ZNF318: variants seen among roughly 807,000 people sequenced by gnomAD.
ZNF318 encodes the protein zinc finger protein 318.
Under a neutral mutation model 124.2 loss-of-function variants are expected in ZNF318, and 51 were observed. That is an observed-to-expected ratio of 0.41 (90% CI 0.33 to 0.52). The LOEUF is 0.52. ZNF318 is among the 20% of genes least tolerant of loss of function. The probability of loss-of-function intolerance (pLI) is 0.23; values close to 1 mark genes in which losing one functional copy is unlikely to be tolerated. For synonymous variants in ZNF318, 1,090 were observed against 1,040.7 expected, an observed-to-expected ratio of 1.05 and a Z score of -0.91; for missense variants, 2,815 against 2,811.2, an observed-to-expected ratio of 1.00 and a Z score of -0.03.
At position 43,337,701 on chromosome 6, in the gene ZNF318, G is replaced by T; in HGVS notation, c.6297C>A (p.Ile2099=). The T allele has an allele frequency of 6.2e-7, 1 of 1,614,122 alleles. No individual in the cohort carries two copies. Among genetic ancestry groups the T allele is most frequent in the African/African-American group, 1.3e-5 (1 of 75,036 alleles). The stretch of plus-strand genomic sequence containing the variant: ...CAGTTTTCAAAATGTTAGGAGAAGG[G>T]ATCCTAACACTCCTGGGATTAGGTG... ...RNSPNPRSVR[I]PSPNILKTGL... The change falls in exon 10 of 10, where the codon ATC becomes ATA. Residue 2099 remains isoleucine, a synonymous_variant. Coordinates refer to ENST00000361428, the MANE Select transcript of ZNF318 (RefSeq NM_014345.3).
rs141151781 is a variant in ZNF318 at position 43,349,870 on chromosome 6, G to A, written c.2771-1245C>T. On this transcript the variant is annotated intron_variant, in intron 5 of 9. Transcript: ENST00000361428. ...AGGCTGAGATGGGAGGATCATTTGA[G>A]TCCAGAAATTCAAAGCTACAGTGAG... Among the ~76,000 whole-genome samples, 716 of 152,108 alleles carry A rather than the reference G, an allele frequency of 4.7e-3. 12 individuals are homozygous for A. The highest frequency in any genetic ancestry group is 0.016 in the African/African-American group (684 of 41,494).
At chr6:43,358,604 A>G (rs1779643071) in intron 2 of ZNF318, among the ~76,000 whole-genome samples, 1 of 151,642 alleles carries the variant, frequency 6.6e-6, no homozygotes, top group Non-Finnish European at 1.5e-5. Flanking sequence ...CCCAGGCTGG[A>G]GTGCAGTGGC....
In ZNF318 at chr6:43,340,318, T is replaced by C. The variant is rs761328295; in HGVS notation, c.3680A>G (p.Asp1227Gly). The C allele has an allele frequency of 6.2e-7, 1 of 1,614,166 alleles. No individual in the cohort carries two copies. ...GTCTTCTAATTTCTCAGAGACCTTGTCATCCTCCTTTACTTCTTTCACAGC... is the reference window on the plus strand; with the variant it reads ...GTCTTCTAATTTCTCAGAGACCTTGCCATCCTCCTTTACTTCTTTCACAGC... ...AKAVKEVKED[D>G]KVSEKLEDQL... Residue 1227 changes from aspartate (D) to glycine (G), a missense_variant, in exon 10 of 10, where the codon GAC becomes GGC. By Grantham distance (94) the Asp-to-Gly change is moderately conservative (BLOSUM62 -1). This residue lies in a region of ZNF318 where 500 missense variants were observed against 605.2 expected (regional missense o/e 0.83). Coordinates refer to ENST00000361428, the MANE Select transcript of ZNF318 (RefSeq NM_014345.3).
In ZNF318 at chr6:43,344,143, T is replaced by C. The variant is rs373472685; in HGVS notation, c.3073-1264A>G. Among the ~76,000 whole-genome samples the C allele has an allele frequency of 1.1e-4, 16 of 151,628 alleles. No individual in the cohort carries two copies. In the East Asian group the frequency reaches 2.0e-3, roughly 19 times the overall value. On this transcript the variant is annotated intron_variant, in intron 6 of 9. Transcript: ENST00000361428. ...AGGTAGGATACAGAAAGGGAAACAATTGGGGCTTCAAAGATACTCTTTCCC... is the reference window on the plus strand; with the variant it reads ...AGGTAGGATACAGAAAGGGAAACAACTGGGGCTTCAAAGATACTCTTTCCC...
intron 9 of ZNF318, 38 bp downstream of exon 9, chr6:43,340,752 A>G (rs374407705): frequency 5.1e-6 from 8 of 1,575,350 alleles, no homozygotes; most frequent in African/African-American, 2.7e-5. Context: ...ATTACTTCAG[A>G]AAAGTTGGAA....
chr6:43,339,336 C>T lies in ZNF318; in HGVS notation c.4662G>A (p.Glu1554=). The T allele has an allele frequency of 1.2e-6, 2 of 1,614,176 alleles. No homozygotes were observed. The highest frequency in any genetic ancestry group is 1.3e-5 in the African/African-American group (1 of 75,038). Residue 1554 remains glutamate, a synonymous_variant, in exon 10 of 10, where the codon GAG becomes GAA. Coordinates refer to ENST00000361428, the MANE Select transcript of ZNF318 (RefSeq NM_014345.3). This position sits in a 1 kb window ranked among gnomAD's most constrained non-coding sequence, Gnocchi z 4.2. ...CTGTGGCTAAGCATGAATTTCGCTT[C>T]TCTAATTTTTTGGCTTGTTCACTGA... ...SVFSEQAKKL[E]KRNSCLATAN...
At chr6:43,360,638 T>C (rs997007474) in intron 2 of ZNF318, among the ~76,000 whole-genome samples, 10 of 152,246 alleles carry the variant, frequency 6.6e-5, no homozygotes, top group African/African-American at 2.4e-4. Flanking sequence ...TTTATACCAA[T>C]GTTCAGAGCA....
chr6:43,344,745 T>C (rs532050980), intron 6 of ZNF318, among the ~76,000 whole-genome samples: 1 of 152,282 alleles, frequency 6.6e-6, no homozygotes, highest in Admixed American at 6.5e-5. Context: ...TCTAGACCAG[T>C]TCCTGACACT....
Position 43,348,319 on chromosome 6 carries a change from G to T in ZNF318, c.3072+5C>A. 6.3e-7 allele frequency: 1 copy of T among 1,598,456 alleles called. No homozygotes were observed. The highest frequency in any genetic ancestry group is 1.1e-5 in the South Asian group (1 of 88,030). On this transcript the variant is annotated splice_donor_5th_base_variant and intron_variant, in intron 6 of 9. Transcript: ENST00000361428. The stretch of plus-strand genomic sequence containing the variant: ...ATGATAGAAATGGAAAAATTGAGTT[G>T]TTACCTTGTTGGAGGAGGAGTTTGA...
rs372187201 is a variant in ZNF318 at position 43,337,240 on chromosome 6, T to C, written c.6758A>G (p.Asn2253Ser). The C allele has an allele frequency of 5.6e-6, 9 of 1,614,126 alleles. No individual in the cohort carries two copies. The highest frequency in any genetic ancestry group is 5.5e-5 in the South Asian group (5 of 91,074). The change falls in exon 10 of 10, where the codon AAT (asparagine) becomes AGT (serine). Residue 2253 changes from asparagine to serine, a missense_variant. Coordinates refer to ENST00000361428, the MANE Select transcript of ZNF318 (RefSeq NM_014345.3). The part of the protein sequence containing the change: ...SPPREQVIED[N>S]MVPQGMPEQE... ...TTCAGGCATTCCCTGAGGGACCATA[T>C]TGTCTTCAATTACCTGCTCCCTTGG...
chr6:43,352,068 C>T (rs1056748431), intron 5 of ZNF318, among the ~76,000 whole-genome samples: 1 of 151,808 alleles, frequency 6.6e-6, no homozygotes, highest in African/African-American at 2.4e-5. Context: ...CACTTGAACC[C>T]GGGGGACAGA....
At chr6:43,358,284 G>A (rs917643180) in intron 2 of ZNF318, among the ~76,000 whole-genome samples, 11 of 152,124 alleles carry the variant, frequency 7.2e-5, no homozygotes, top group African/African-American at 2.4e-4. Context: ...GTCTCGCTCT[G>A]TCACCCAGGC....
At chr6:43,361,113 TATAC>T (rs1165403319) in intron 2 of ZNF318, among the ~76,000 whole-genome samples, 2 of 152,186 alleles carry the variant, frequency 1.3e-5, no homozygotes, top group Non-Finnish European at 2.9e-5. Context: ...GTTAAAAATG[TATAC>T]ATATTTTAAA....
At position 43,348,508 on chromosome 6, in the gene ZNF318, G is replaced by A. The variant is rs1417240491; in HGVS notation, c.2888C>T (p.Ala963Val). The change falls in exon 6 of 10, where the codon GCA becomes GTA. Residue 963 changes from alanine (A) to valine (V), a missense_variant. Transcript: ENST00000361428. ...AGATTGCTTCTTTTCTGCCTCTTCT[G>A]CCTCTTGCCGTAGCTCTGCAATGTC... ...MKDIAELRQE[A>V]EEAEKKQSEL... The A allele has an allele frequency of 1.2e-6, 2 of 1,613,930 alleles. No homozygotes were observed. Among genetic ancestry groups the A allele is most frequent in the East Asian group, 4.5e-5 (2 of 44,890 alleles).
At chr6:43,364,921 C>T (rs1395399442) in intron 2 of ZNF318, among the ~76,000 whole-genome samples, 1 of 152,104 alleles carries the variant, frequency 6.6e-6, no homozygotes, top group Non-Finnish European at 1.5e-5. Flanking sequence ...AAAAGACTTC[C>T]CATTTTGTCC....
At position 43,337,790 on chromosome 6, in the gene ZNF318, C is replaced by T. The variant is rs754740694; in HGVS notation, c.6208G>A (p.Gly2070Arg). The T allele has an allele frequency of 1.2e-6, 2 of 1,614,134 alleles. No homozygotes were observed. Among genetic ancestry groups the T allele is most frequent in the South Asian group, 2.2e-5 (2 of 91,082 alleles). ...ADFEPIPSFS[G>R]FPLDSPKTLV... The stretch of plus-strand genomic sequence containing the variant: ...GTTTTGGGAGAATCTAACGGAAACC[C>T]AGAAAAAGATGGGATTGGTTCGAAG... Residue 2070 changes from glycine to arginine, a missense_variant, in exon 10 of 10, where the codon GGG becomes AGG. Gly to Arg is a moderately radical substitution (Grantham distance 125). Transcript: ENST00000361428.
In ZNF318 at chr6:43,348,582, T is replaced by C. The variant is rs370768992; in HGVS notation, c.2814A>G (p.Lys938=). 1.2e-6 allele frequency: 2 copies of C among 1,614,082 alleles called. No homozygotes were observed. Among genetic ancestry groups the C allele is most frequent in the African/African-American group, 2.7e-5 (2 of 74,934 alleles). ...GACTCACCTCCACCAAGAGAGGATC[T>C]TTGTGGCCATCCTTCTCCCTTCGTT... ...RKKRREKDGH[K]DPLLVEVSRL... The change falls in exon 6 of 10, where the codon AAA becomes AAG. Residue 938 remains lysine, a synonymous_variant. Coordinates refer to ENST00000361428, the MANE Select transcript of ZNF318 (RefSeq NM_014345.3).
chr6:43,348,562 A>G lies in ZNF318; in HGVS notation c.2834T>C (p.Val945Ala). 6.2e-7 allele frequency: 1 copy of G among 1,614,056 alleles called. No homozygotes were observed. The highest frequency in any genetic ancestry group is 8.5e-7 in the Non-Finnish European group (1 of 1,180,016). The change falls in exon 6 of 10, where the codon GTG (valine) becomes GCG (alanine). Residue 945 changes from valine to alanine, a missense_variant. By Grantham distance (64) the Val-to-Ala change is moderately conservative. Transcript: ENST00000361428. Reference protein sequence around the residue: ...DGHKDPLLVEVSRLQDNIMKD... With the variant: ...DGHKDPLLVEASRLQDNIMKD... The stretch of plus-strand genomic sequence containing the variant: ...CATAATGTTATCCTGAAGCCGACTC[A>G]CCTCCACCAAGAGAGGATCTTTGTG...
rs776134858 is a variant in ZNF318, at chr6:43,348,479, G to A, written c.2917C>T (p.Leu973=). Residue 973 remains leucine (L), a synonymous_variant, in exon 6 of 10, where the codon CTG becomes TTG. Transcript: ENST00000361428. Reference sequence around the variant, plus strand: ...CCCAAGATCTGAGCCACTTTGTCCAGTTCAGATTGCTTCTTTTCTGCCTCT... The same window carrying A: ...CCCAAGATCTGAGCCACTTTGTCCAATTCAGATTGCTTCTTTTCTGCCTCT... ...AEEAEKKQSE[L]DKVAQILGIN... 1.3e-5 allele frequency: 21 copies of A among 1,613,968 alleles called. No individual in the cohort carries two copies. The South Asian group carries it at 2.1e-4, about 16-fold the overall frequency.
Sources: gnomAD v4.1 joint callset for allele counts (sites outside exome capture counted in the v4.1 genomes callset) on GRCh38, gnomAD v4.1.1 for gene constraint, gnomAD v4.1.1 regional missense constraint, Gnocchi (gnomAD v3.1) non-coding constraint, MANE v1.5 for transcripts, NCBI Gene and HGNC (gene_info 2026-07-23, HGNC 2026-07-21) for gene names.